The following MED16 variants were observed in gnomAD, a reference collection of about 807,000 sequenced individuals.
MED16 encodes the protein mediator complex subunit 16.
In MED16, 81 loss-of-function variants were observed where a neutral mutation model predicts 84.4. That is an observed-to-expected ratio of 0.96 (90% CI 0.80 to 1.15). The LOEUF (loss-of-function observed/expected upper bound fraction) is 1.15. Ranked by LOEUF, MED16 falls within the 50% of genes most tolerant of loss-of-function variation. MED16 has a pLI of 0.00. For synonymous variants in MED16, 897 were observed against 552.2 expected, an observed-to-expected ratio of 1.62 and a Z score of -8.76; for missense variants, 1,585 against 1,245.9, an observed-to-expected ratio of 1.27 and a Z score of -4.10.
At chr19:891,442 G>A (rs2036629704) in intron 1 of MED16, among the ~76,000 whole-genome samples, 1 of 152,226 alleles carries the variant, frequency 6.6e-6, no homozygotes, top group Non-Finnish European at 1.5e-5. Context: ...GACCATGGGG[G>A]CCAAGGGCAC....
chr19:880,093 C>T lies in MED16; in HGVS notation c.1197G>A (p.Leu399=), dbSNP rs767860746. 6 of 1,610,696 alleles carry T rather than the reference C, an allele frequency of 3.7e-6. No individual in the cohort carries two copies. Among genetic ancestry groups the T allele is most frequent in the Non-Finnish European group, 3.4e-6 (4 of 1,179,460 alleles). The change falls in exon 8 of 16, where the codon CTG becomes CTA. Residue 399 remains leucine (L), a synonymous_variant. Coordinates refer to ENST00000325464, the MANE Select transcript of MED16 (RefSeq NM_005481.3). ...AGCTGTAGAAGACGGCCATGGTCTG[C>T]AGTGAGAGCCGGTGCACGATGTGGA... ...GSVHIVHRLS[L]QTMAVFYSSA...
At chr19:891,634 CAG>C (rs1297833220) in intron 1 of MED16, among the ~76,000 whole-genome samples, 1 of 122,238 alleles carries the variant, frequency 8.2e-6, no homozygotes, top group East Asian at 2.6e-4. Flanking sequence ...GGCTGAGTGA[CAG>C]GGAACACCTG....
chr19:882,847 C>T (rs559279225), intron 6 of MED16, among the ~76,000 whole-genome samples: 2 of 152,334 alleles, frequency 1.3e-5, no homozygotes, highest in South Asian at 2.1e-4. Context: ...CGGGCCATCA[C>T]GGTCACAGAG....
At chr19:892,944 G>GCGCCCCGCGCCCCGCGCCCCGC (rs2036672838) in intron 1 of MED16, 142 bp downstream of exon 1, 1 of 117,296 alleles carries the variant, frequency 8.5e-6, no homozygotes, top group Non-Finnish European at 1.8e-5. Context: ...CCGCGCCCCA[G>GCGCCCCGCGCCCCGCGCCCCGC]GCCGCCTACC....
In MED16 at chr19:868,844, G is replaced by A. The variant is rs368479273; in HGVS notation, c.2399+19C>T. On this transcript the variant is annotated intron_variant, in intron 14 of 15. Coordinates refer to ENST00000325464, the MANE Select transcript of MED16 (RefSeq NM_005481.3). ...CAGCGGCACATCTCTGGGAGTCAGCGGTTCCGGGGGCCCCTCACCTGGTGC... is the reference window on the plus strand; with the variant it reads ...CAGCGGCACATCTCTGGGAGTCAGCAGTTCCGGGGGCCCCTCACCTGGTGC... The A allele has an allele frequency of 2.1e-4, 332 of 1,544,334 alleles. No homozygotes were observed. Among genetic ancestry groups the A allele is most frequent in the Middle Eastern group, 3.3e-4 (2 of 5,988 alleles).
rs1038974625 is a variant in MED16, at chr19:868,303, T to C, written c.2484-52A>G. 5.0e-6 allele frequency: 8 copies of C among 1,587,644 alleles called. No individual in the cohort carries two copies. In the Admixed American group the frequency reaches 9.0e-5, roughly 18 times the overall value. On this transcript the variant is annotated intron_variant, in intron 15 of 15. Coordinates refer to ENST00000325464, the MANE Select transcript of MED16 (RefSeq NM_005481.3). Reference sequence around the variant, plus strand: ...GCCGAGGAGAGTCCAGGGCGAGCGGTGGCTCTTGCAGCAGCCGGGCTCAGG... The same window carrying C: ...GCCGAGGAGAGTCCAGGGCGAGCGGCGGCTCTTGCAGCAGCCGGGCTCAGG...
chr19:876,826 C>G (rs970108589), intron 9 of MED16, 148 bp downstream of exon 9: 2 of 724,150 alleles, frequency 2.8e-6, no homozygotes, highest in Non-Finnish European at 4.4e-6. Context: ...GACCACGGGG[C>G]CCCTGCCTGC....
chr19:875,244 C>T lies in MED16; in HGVS notation c.1771G>A (p.Asp591Asn), dbSNP rs778397040. ...GCCCCGGGCGTGGAAAAGGACCCAC[C>T]GACGTCGGTGATCTTGGTGCAGATC... ...TEICTKITDV[D>N]IDKVMINLKT... is the part of the protein sequence containing the mutation. Residue 591 changes from aspartate to asparagine, a missense_variant and splice_region_variant, in exon 10 of 16, where the codon GAC (aspartate) becomes AAC (asparagine). By Grantham distance (23) the Asp-to-Asn change is conservative. Coordinates refer to ENST00000325464, the MANE Select transcript of MED16 (RefSeq NM_005481.3). 9 of 1,604,344 alleles carry T rather than the reference C, an allele frequency of 5.6e-6. No homozygotes were observed. Among genetic ancestry groups the T allele is most frequent in the Admixed American group, 3.4e-5 (2 of 59,230 alleles).
intron 7 of MED16, among the ~76,000 whole-genome samples, chr19:880,689 G>T (rs2036402350): frequency 6.6e-6 from 1 of 152,220 alleles, no homozygotes; most frequent in African/African-American, 2.4e-5. Flanking sequence ...GGAGGCTGAG[G>T]CGGGCAGATT....
intron 6 of MED16, among the ~76,000 whole-genome samples, chr19:884,174 C>T (rs576338942): frequency 1.3e-5 from 2 of 152,190 alleles, no homozygotes; most frequent in Non-Finnish European, 2.9e-5. Context: ...TCTCATCTAC[C>T]GGGAAAACAT....
Position 881,685 on chromosome 19 carries a change from A to C in MED16, c.1015T>G (p.Trp339Gly). Residue 339 changes from tryptophan to glycine, a missense_variant, in exon 7 of 16, where the codon TGG becomes GGG. Transcript: ENST00000325464. ...VGDKQPTILK[W>G]RILSATNDLD... ...TCGTTGGTGGCCGATAGGATCCGCCATTTGAGAATTGTGGGCTGTTTGTCG... is the reference window on the plus strand; with the variant it reads ...TCGTTGGTGGCCGATAGGATCCGCCCTTTGAGAATTGTGGGCTGTTTGTCG... 1 of 1,612,072 alleles carries C rather than the reference A, an allele frequency of 6.2e-7. No homozygotes were observed. The highest frequency in any genetic ancestry group is 8.5e-7 in the Non-Finnish European group (1 of 1,179,450).
At chr19:888,320 G>A (rs1018897692) in intron 4 of MED16, among the ~76,000 whole-genome samples, 4 of 152,068 alleles carry the variant, frequency 2.6e-5, no homozygotes, top group African/African-American at 9.6e-5. Context: ...TGAGAAGTTC[G>A]AGACCAGCCT....
intron 9 of MED16, 140 bp from the exon 10 acceptor site, chr19:875,594 A>C (rs1486208308): frequency 1.6e-6 from 1 of 643,086 alleles, no homozygotes; most frequent in Non-Finnish European, 2.7e-6. Context: ...GCACCTCAGC[A>C]ACCTCATGGC....
chr19:868,061 C>T lies in MED16; in HGVS notation c.*40G>A, dbSNP rs200916270. 154 of 1,564,364 alleles carry T rather than the reference C, an allele frequency of 9.8e-5. No homozygotes were observed. In the East Asian group the frequency reaches 2.9e-3, roughly 29 times the overall value. On this transcript the variant is annotated 3_prime_UTR_variant, in exon 16 of 16. Transcript: ENST00000325464. ...GAGGCAAGGAAACCGAGGAGACGCC[C>T]GAGCCGGGTCACCACAAGGTCCGCC...
rs2036091980 is a variant in MED16 at position 872,200 on chromosome 19, C to T, written c.1906-82G>A. ...TGAAGTGTCTTGGGGTCGGTGGAAC[C>T]CCGACCGGGGGGCAATGGGCAGGGT... On this transcript the variant is annotated intron_variant, in intron 11 of 15. Transcript: ENST00000325464. 3 of 1,236,534 alleles carry T rather than the reference C, an allele frequency of 2.4e-6. No individual in the cohort carries two copies. In the South Asian group the frequency reaches 4.3e-5, roughly 18 times the overall value. 76.6% of individuals were successfully genotyped at this position (1,236,534 alleles called of 1,614,324 possible).
intron 5 of MED16, among the ~76,000 whole-genome samples, chr19:885,537 T>C (rs1477955794): frequency 6.6e-6 from 1 of 152,048 alleles, no homozygotes; most frequent in African/African-American, 2.4e-5. Context: ...AGGAAGAGGC[T>C]GCGCTGTGGC....
intron 13 of MED16, among the ~76,000 whole-genome samples, chr19:870,336 G>A (rs1362731971): frequency 1.3e-5 from 2 of 152,082 alleles, no homozygotes; most frequent in Admixed American, 6.6e-5. Flanking sequence ...CGAGGCAGGT[G>A]GATCACCTGA....
intron 15 of MED16, 46 bp from the exon 16 acceptor site, chr19:868,297 G>C: frequency 6.3e-7 from 1 of 1,587,316 alleles, no homozygotes; most frequent in African/African-American, 1.3e-5. Flanking sequence ...AGTCCAGGGC[G>C]AGCGGTGGCT....
rs537264667 is a variant in MED16 at position 889,985 on chromosome 19, T to A, written c.277+152A>T. On this transcript the variant is annotated intron_variant, in intron 3 of 15. Transcript: ENST00000325464. The stretch of plus-strand genomic sequence containing the variant: ...CCTGAGACACCCTGAACAAGAATGA[T>A]TCGGGCCACTATGGAAAGAGCAGCA... 73 of 825,762 alleles carry A rather than the reference T, an allele frequency of 8.8e-5. 1 individual carries two copies. The South Asian group carries it at 1.2e-3, about 13-fold the overall frequency. 51.2% of individuals were successfully genotyped at this position (825,762 alleles called of 1,614,324 possible).
Sources: allele counts gnomAD v4.1 joint callset (sites outside exome capture counted in the v4.1 genomes callset), GRCh38; gene constraint gnomAD v4.1.1; transcripts MANE v1.5; gene names NCBI Gene and HGNC (gene_info 2026-07-23, HGNC 2026-07-21).